The following ADSL variants were observed in gnomAD, a reference collection of about 807,000 sequenced individuals.
ADSL encodes the protein adenylosuccinase.
Under a neutral mutation model 62.1 loss-of-function variants are expected in ADSL, and 44 were observed. That is an observed-to-expected ratio of 0.71 (90% CI 0.56 to 0.91). ADSL has a LOEUF of 0.91. ADSL is among the 40% of genes least tolerant of loss of function. The pLI is 0.00. For synonymous variants in ADSL, 198 were observed against 220.5 expected (o/e 0.90, Z 0.90); for missense variants, 531 against 627.4 (o/e 0.85, Z 1.64).
At chr22:40,385,430 A>G (rs2048260098) in intron 2 of ADSL, among the ~76,000 whole-genome samples, 1 of 152,224 alleles carries the variant, frequency 6.6e-6, no homozygotes, top group African/African-American at 2.4e-5. Context: ...TTGGAGAAGA[A>G]AAGACTGAAG....
At chr22:40,364,249 G>A in intron 10 of ADSL, 27 bp from the exon 11 acceptor site, 1 of 1,604,904 alleles carries the variant, frequency 6.2e-7, no homozygotes, top group Non-Finnish European at 8.5e-7. Flanking sequence ...CACCTTTCTT[G>A]GTCATTCACC....
chr22:40,366,664 T>C lies in ADSL; in HGVS notation c.*142T>C, dbSNP rs1661946207. The C allele has an allele frequency of 8.7e-6, 6 of 692,700 alleles. No homozygotes were observed. Among genetic ancestry groups the C allele is most frequent in the Non-Finnish European group, 1.5e-5 (6 of 389,402 alleles). The allele number at this position is 692,700 out of a possible 1,614,324, so 42.9% of individuals were successfully genotyped here. ...TCTTCCCATGGTGCTTTCCTGTTTC[T>C]CAGTCTCACATTTCTCAACAAGGCA... On this transcript the variant is annotated 3_prime_UTR_variant, in exon 13 of 13. Coordinates refer to ENST00000623063, the MANE Select transcript of ADSL (RefSeq NM_000026.4).
chr22:40,377,266 T>C (rs951749894), intron 2 of ADSL, among the ~76,000 whole-genome samples: 1 of 152,246 alleles, frequency 6.6e-6, no homozygotes, highest in African/African-American at 2.4e-5. Flanking sequence ...TTTCCTCCTT[T>C]AATTTGAATC....
At position 40,368,843 on chromosome 22, in the gene ADSL, G is replaced by C. The variant is rs560253786; in HGVS notation, c.*2321G>C. The C allele has an allele frequency of 4.6e-5, 7 of 152,380 alleles. No homozygotes were observed. In the East Asian group the frequency reaches 1.3e-3, roughly 29 times the overall value. 9.4% of individuals were successfully genotyped at this position (152,380 alleles called of 1,614,324 possible). A position where few individuals can be genotyped will look rare whatever the true frequency, so the allele number is the denominator to read the frequency against. ...GGAGGCTGAGACAGGAGAATTGCTT[G>C]AACCTGGGAGGCAGAAGTTGCAGTG... On this transcript the variant is annotated 3_prime_UTR_variant, in exon 13 of 13. Coordinates refer to ENST00000623063, the MANE Select transcript of ADSL (RefSeq NM_000026.4).
chr22:40,353,363 G>A, intron 3 of ADSL: 1 of 702,526 alleles, frequency 1.4e-6, no homozygotes, highest in Non-Finnish European at 2.6e-6. Context: ...CGTGATCAAG[G>A]CTTATTGCAA....
chr22:40,357,696 A>G (rs147958234), intron 4 of ADSL, among the ~76,000 whole-genome samples: 43 of 152,270 alleles, frequency 2.8e-4, no homozygotes, highest in African/African-American at 8.9e-4. Context: ...TCTACTTCCA[A>G]TCTAGAGCAG....
rs187014560 is a variant in ADSL at position 40,380,223 on chromosome 22, G to A, written c.90-10007G>A. On this transcript the variant is annotated intron_variant, in intron 2 of 2. Coordinates refer to the ADSL transcript ENST00000498234. ...TATTAACATTTTTTTAATGCTGTGT[G>A]TGTATTTGTATGTGTGTGTGATTAA... Among the ~76,000 whole-genome samples the A allele has an allele frequency of 1.8e-4, 27 of 152,232 alleles. No homozygotes were observed. In the East Asian group the frequency reaches 3.7e-3, roughly 21 times the overall value.
intron 9 of ADSL, among the ~76,000 whole-genome samples, chr22:40,362,749 C>T (rs1007185868): frequency 1.3e-5 from 2 of 152,030 alleles, no homozygotes; most frequent in Admixed American, 1.3e-4. Context: ...ATTGAGGTAC[C>T]CATAGATCAA....
chr22:40,386,517 A>G (rs1266381525), intron 2 of ADSL, among the ~76,000 whole-genome samples: 1 of 136,830 alleles, frequency 7.3e-6, no homozygotes, highest in Non-Finnish European at 1.5e-5. Context: ...TGGTCTGGCT[A>G]TGCTGCTTTA....
At chr22:40,380,197 CTA>C (rs1394714925) in intron 2 of ADSL, among the ~76,000 whole-genome samples, 4 of 152,000 alleles carry the variant, frequency 2.6e-5, no homozygotes, top group Non-Finnish European at 5.9e-5. Flanking sequence ...TCTTGTATGA[CTA>C]TTAACATTTT....
At chr22:40,350,998 A>C (rs993211011) in intron 2 of ADSL, among the ~76,000 whole-genome samples, 14 of 151,216 alleles carry the variant, frequency 9.3e-5, no homozygotes, top group Non-Finnish European at 1.8e-4. Flanking sequence ...ACCCTGTCTC[A>C]AAAAAAATAC....
intron 7 of ADSL, 106 bp from the exon 8 acceptor site, chr22:40,361,167 C>G (rs1254640560): frequency 2.2e-5 from 24 of 1,083,946 alleles, no homozygotes; most frequent in Middle Eastern, 2.1e-4. Flanking sequence ...TCAGCTCAGC[C>G]ACAGCACACC....
chr22:40,367,426 C>T lies in ADSL; in HGVS notation c.*904C>T, dbSNP rs866428495. The T allele has an allele frequency of 6.0e-6, 1 of 166,516 alleles. No homozygotes were observed. Among genetic ancestry groups the T allele is most frequent in the Admixed American group, 6.5e-5 (1 of 15,286 alleles). The allele number at this position is 166,516 out of a possible 1,614,324, so 10.3% of individuals were successfully genotyped here. A position where few individuals can be genotyped will look rare whatever the true frequency, so the allele number is the denominator to read the frequency against. ...TTCTGGGATTATAGACATGAGCCAC[C>T]ACACCCAGCCTAATCTTGTTTTCTT... On this transcript the variant is annotated 3_prime_UTR_variant, in exon 13 of 13. Coordinates refer to ENST00000623063, the MANE Select transcript of ADSL (RefSeq NM_000026.4).
intron 3 of ADSL, chr22:40,354,016 C>A (rs2044453896): frequency 1.7e-6 from 1 of 582,912 alleles, no homozygotes; most frequent in Admixed American, 3.0e-5. Flanking sequence ...TGTTTTTCTG[C>A]CGTGGTCTTA....
At position 40,368,937 on chromosome 22, in the gene ADSL, G is replaced by C. The variant is rs75437643; in HGVS notation, c.*2415G>C. On this transcript the variant is annotated 3_prime_UTR_variant, in exon 13 of 13. Coordinates refer to ENST00000623063, the MANE Select transcript of ADSL (RefSeq NM_000026.4). ...AGACTCCATCTGAAAAAACAAAACAGAAAAAATCTTGAAAGGATACTAAGT... is the reference window on the plus strand; with the variant it reads ...AGACTCCATCTGAAAAAACAAAACACAAAAAATCTTGAAAGGATACTAAGT... The C allele has an allele frequency of 0.011, 1,633 of 152,104 alleles. 15 individuals carry two copies. The highest frequency in any genetic ancestry group is 0.018 in the Non-Finnish European group (1,240 of 67,984). 9.4% of individuals were successfully genotyped at this position (152,104 alleles called of 1,614,324 possible).
chr22:40,361,951 A>G (rs1399728530), intron 9 of ADSL, among the ~76,000 whole-genome samples: 1 of 152,212 alleles, frequency 6.6e-6, no homozygotes, highest in Non-Finnish European at 1.5e-5. Flanking sequence ...AAAGGCACAA[A>G]GCAGGAGAAA....
At chr22:40,376,423 TGA>T (rs2046612678) in intron 2 of ADSL, 1 of 152,004 alleles carries the variant, frequency 6.6e-6, no homozygotes, top group African/African-American at 2.4e-5. Context: ...TGAGTTGCTG[TGA>T]TTACAGGTGC....
chr22:40,386,315 T>C (rs2048432621), intron 2 of ADSL, among the ~76,000 whole-genome samples: 1 of 152,162 alleles, frequency 6.6e-6, no homozygotes. Context: ...CATTATTAAG[T>C]GTGAAATAAT....
downstream of ADSL, among the ~76,000 whole-genome samples, chr22:40,371,028 C>T (rs2045337167): frequency 6.6e-6 from 1 of 152,194 alleles, no homozygotes; most frequent in Non-Finnish European, 1.5e-5. Context: ...GCGCCTGAGG[C>T]GGGGGGCTTT....
Sources: allele counts gnomAD v4.1 joint callset (sites outside exome capture counted in the v4.1 genomes callset), GRCh38; gene constraint gnomAD v4.1.1; transcripts MANE v1.5; gene names NCBI Gene and HGNC (gene_info 2026-07-23, HGNC 2026-07-21).